FGF8: variants seen among roughly 807,000 people sequenced by gnomAD.
The protein encoded by FGF8 is androgen-induced growth factor.
A neutral mutation model predicts 29.7 loss-of-function variants in FGF8; 12 were observed. The ratio of observed to expected loss-of-function variants is 0.40; its 90% CI spans 0.26 to 0.65. The LOEUF (loss-of-function observed/expected upper bound fraction) is 0.65, where lower values mean the gene tolerates loss of function less well. Among genes scored for constraint, FGF8 ranks in the 30% least tolerant of loss-of-function variants. The probability of loss-of-function intolerance (pLI) is 0.37; values close to 1 mark genes in which losing one functional copy is unlikely to be tolerated. For synonymous variants in FGF8, 157 were observed against 144.4 expected, an observed-to-expected ratio of 1.09 and a Z score of -0.63; for missense variants, 271 against 345.1, an observed-to-expected ratio of 0.79 and a Z score of 1.70.
upstream of FGF8, chr10:101,780,278 G>A (rs1177118430): frequency 6.6e-6 from 1 of 152,310 alleles, no homozygotes; most frequent in Non-Finnish European, 1.5e-5. Flanking sequence ...GTTGGAAACT[G>A]GACCCCTAGT....
rs778082287 is a variant in FGF8 at position 101,770,567 on chromosome 10, T to C, written c.497A>G (p.Asn166Ser). The change falls in exon 6 of 6, where the codon AAC becomes AGC. Residue 166 changes from asparagine (N) to serine (S), a missense_variant. This residue lies in a region of FGF8 where 41 missense variants were observed against 80.0 expected (regional missense o/e 0.51). Coordinates refer to ENST00000320185, the MANE Select transcript of FGF8 (RefSeq NM_033163.5). The stretch of plus-strand genomic sequence containing the variant: ...CTTGGCATTCTGCAGCGCTGTGTAG[T>C]TGTTCTCCAGCACAATCTCCGTGAA... ...CVFTEIVLEN[N>S]YTALQNAKYE... 6.2e-7 allele frequency: 1 copy of C among 1,613,134 alleles called. No individual in the cohort carries two copies. Among genetic ancestry groups the C allele is most frequent in the Non-Finnish European group, 8.5e-7 (1 of 1,179,966 alleles).
Position 101,775,892 on chromosome 10 carries a change from G to T in FGF8, c.9C>A (p.Ser3Arg). 1.5e-6 allele frequency: 2 copies of T among 1,305,392 alleles called. No homozygotes were observed. The highest frequency in any genetic ancestry group is 2.4e-5 in the South Asian group (1 of 42,098). The allele number at this position is 1,305,392 out of a possible 1,614,324, so 80.9% of individuals were successfully genotyped here. ...ACAGGCAGCTCAGCGCGGAGCGGGGGCTGCCCATGGCGCGCGGCCCCGGGG... is the reference window on the plus strand; with the variant it reads ...ACAGGCAGCTCAGCGCGGAGCGGGGTCTGCCCATGGCGCGCGGCCCCGGGG... Reference protein sequence around the residue: MGSPRSALSCLLL... With the variant: MGRPRSALSCLLL... Residue 3 changes from serine to arginine, a missense_variant, in exon 1 of 6, where the codon AGC becomes AGA. Physicochemically the swap from Ser to Arg is moderately radical, Grantham distance 110. Transcript: ENST00000320185. This position sits in a 1 kb window ranked among gnomAD's most constrained non-coding sequence, Gnocchi z 4.6.
At position 101,771,126 on chromosome 10, in the gene FGF8, G is replaced by A. The variant is rs563835487; in HGVS notation, c.444+337C>T. Among the ~76,000 whole-genome samples the A allele has an allele frequency of 5.3e-5, 8 of 152,336 alleles. No homozygotes were observed. The South Asian group carries it at 8.3e-4, about 16-fold the overall frequency. ...AGCTCGGCCGAGGGGCTGGGCCTGC[G>A]GCTTACTGAACATTCCAAATGCTGG... On this transcript the variant is annotated intron_variant, in intron 5 of 5. Transcript: ENST00000320185. This position sits in a 1 kb window ranked among gnomAD's most constrained non-coding sequence, Gnocchi z 5.3.
chr10:101,771,473 A>G lies in FGF8; in HGVS notation c.434T>C (p.Leu145Pro). 1 of 1,614,002 alleles carries G rather than the reference A, an allele frequency of 6.2e-7. No individual in the cohort carries two copies. The highest frequency in any genetic ancestry group is 8.5e-7 in the Non-Finnish European group (1 of 1,179,864). The change falls in exon 5 of 6, where the codon CTG becomes CCG. Residue 145 changes from leucine (L) to proline (P), a missense_variant. Physicochemically the swap from Leu to Pro is moderately conservative, Grantham distance 98. Around this residue, in one of 3 missense-constraint regions of FGF8, gnomAD observed 168 missense variants for 207.0 expected, o/e 0.81. Transcript: ENST00000320185. This position sits in a 1 kb window ranked among gnomAD's most constrained non-coding sequence, Gnocchi z 5.3. ...CTGCTGGGGCCTCACCTTGGCGATC[A>G]GCTTCCCCTTCTTGTTCATGCAGAT... ...LYICMNKKGK[L>P]IAKSNGKGKD...
chr10:101,774,634 C>A, intron 4 of FGF8, 98 bp downstream of exon 4: 1 of 1,037,262 alleles, frequency 9.6e-7, no homozygotes, highest in Non-Finnish European at 1.5e-6. Context: ...TAACTCCTTC[C>A]CTTCTGAGCT....
At position 101,771,043 on chromosome 10, in the gene FGF8, C is replaced by T. The variant is rs1210235699; in HGVS notation, c.444+420G>A. On this transcript the variant is annotated intron_variant, in intron 5 of 5. Transcript: ENST00000320185. This position sits in a 1 kb window ranked among gnomAD's most constrained non-coding sequence, Gnocchi z 5.3. ...GATGCTAAGACCCCAGCCCCAGAAG[C>T]CCAGGAAGTGGGGAGCTCGAGGCTG... is the stretch of plus-strand genomic sequence containing the variant. Among the ~76,000 whole-genome samples the T allele has an allele frequency of 1.3e-5, 2 of 151,980 alleles. No homozygotes were observed. The highest frequency in any genetic ancestry group is 2.9e-5 in the Non-Finnish European group (2 of 67,968).
At chr10:101,779,601 C>T (rs2065127053), upstream of FGF8, among the ~76,000 whole-genome samples, 1 of 149,164 alleles carries the variant, frequency 6.7e-6, no homozygotes, top group African/African-American at 2.5e-5. The surrounding 1 kb of genome is among the most constrained non-coding windows in gnomAD (Gnocchi z 5.7). Context: ...GGCGCAGGCC[C>T]GCGCCCACCG....
chr10:101,775,924 G>A lies in FGF8; in HGVS notation c.-24C>T, dbSNP rs866323990. 2.5e-5 allele frequency: 30 copies of A among 1,218,310 alleles called. No individual in the cohort carries two copies. The highest frequency in any genetic ancestry group is 2.4e-4 in the African/African-American group (15 of 62,700). 75.5% of individuals were successfully genotyped at this position (1,218,310 alleles called of 1,614,324 possible). A position where few individuals can be genotyped will look rare whatever the true frequency, so the allele number is the denominator to read the frequency against. The stretch of plus-strand genomic sequence containing the variant: ...ATGGCGCGCGGCCCCGGGGCACCGA[G>A]AGCCCGGCGGGTCACGCCGTCCCGC... On this transcript the variant is annotated 5_prime_UTR_variant, in exon 1 of 6. Coordinates refer to ENST00000320185, the MANE Select transcript of FGF8 (RefSeq NM_033163.5). This position sits in a 1 kb window ranked among gnomAD's most constrained non-coding sequence, Gnocchi z 4.6.
At position 101,771,903 on chromosome 10, in the gene FGF8, A is replaced by G. The variant is rs1261161123; in HGVS notation, c.338-334T>C. On this transcript the variant is annotated intron_variant, in intron 4 of 5. Transcript: ENST00000320185. The surrounding 1 kb of genome is among the most constrained non-coding windows in gnomAD (Gnocchi z 5.3). ...GACAGTGATGTCTCTTAGATTGAGG[A>G]TCTAAGTAAAATTTAATTGAATCAG... Among the ~76,000 whole-genome samples, 2 of 152,202 alleles carry G rather than the reference A, an allele frequency of 1.3e-5. No individual in the cohort carries two copies. The highest frequency in any genetic ancestry group is 4.8e-5 in the African/African-American group (2 of 41,440).
Position 101,770,140 on chromosome 10 carries a change from T to TAA in FGF8, c.*188_*189insTT, listed in dbSNP as rs2064996099. ...ACAAAAATAGAGCCTCTCTTTTGTTTTAAAAAAAAAAAAAAAAAAAAAAAC... is the reference window on the plus strand; with the variant it reads ...ACAAAAATAGAGCCTCTCTTTTGTTTAATAAAAAAAAAAAAAAAAAAAAAAAC... On this transcript the variant is annotated 3_prime_UTR_variant, in exon 6 of 6. Coordinates refer to ENST00000320185, the MANE Select transcript of FGF8 (RefSeq NM_033163.5). 4 of 523,842 alleles carry TAA rather than the reference T, an allele frequency of 7.6e-6. No homozygotes were observed. The highest frequency in any genetic ancestry group is 1.3e-5 in the Non-Finnish European group (4 of 304,542). The allele number at this position is 523,842 out of a possible 1,614,324, so 32.4% of individuals were successfully genotyped here.
Position 101,775,937 on chromosome 10 carries a change from C to T in FGF8, c.-37G>A. ...CCGGGGCACCGAGAGCCCGGCGGGT[C>T]ACGCCGTCCCGCGGGCCGCCGCGGG... On this transcript the variant is annotated 5_prime_UTR_variant, in exon 1 of 6. Coordinates refer to ENST00000320185, the MANE Select transcript of FGF8 (RefSeq NM_033163.5). This position sits in a 1 kb window ranked among gnomAD's most constrained non-coding sequence, Gnocchi z 4.6. The T allele has an allele frequency of 8.4e-7, 1 of 1,189,106 alleles. No individual in the cohort carries two copies. The highest frequency in any genetic ancestry group is 4.1e-5 in the South Asian group (1 of 24,176). The allele number at this position is 1,189,106 out of a possible 1,614,324, so 73.7% of individuals were successfully genotyped here. A position where few individuals can be genotyped will look rare whatever the true frequency, so the allele number is the denominator to read the frequency against.
Position 101,774,766 on chromosome 10 carries a change from G to T in FGF8, c.303C>A (p.Arg101=). The change falls in exon 4 of 6, where the codon CGC becomes CGA. Residue 101 remains arginine (R), a synonymous_variant. Coordinates refer to ENST00000320185, the MANE Select transcript of FGF8 (RefSeq NM_033163.5). The part of the protein sequence containing the change: ...GKHVQVLANK[R]INAMAEDGDP... ...CGCCGTCCTCTGCCATGGCGTTGAT[G>T]CGCTTGTTGGCCAGGACCTGCACGT... 1 of 1,609,116 alleles carries T rather than the reference G, an allele frequency of 6.2e-7. No homozygotes were observed.
intron 3 of FGF8, 59 bp from the exon 4 acceptor site, chr10:101,774,971 C>T (rs535034436): frequency 1.8e-5 from 28 of 1,578,194 alleles, no homozygotes; most frequent in Middle Eastern, 3.3e-4. Context: ...CCCAGGGGCC[C>T]GAGTGGCCCC....
rs781389299 is a variant in FGF8, at chr10:101,770,296, C to A, written c.*33G>T. On this transcript the variant is annotated 3_prime_UTR_variant, in exon 6 of 6. Transcript: ENST00000320185. ...GTGCCCTACAGGATGAGCCTCTCTGCGGTCTGGCATTGTGGGGAGGGCCAG... is the reference window on the plus strand; with the variant it reads ...GTGCCCTACAGGATGAGCCTCTCTGAGGTCTGGCATTGTGGGGAGGGCCAG... 1.0e-5 allele frequency: 16 copies of A among 1,555,778 alleles called. No individual in the cohort carries two copies. Among genetic ancestry groups the A allele is most frequent in the South Asian group, 9.6e-5 (8 of 82,948 alleles).
In FGF8 at chr10:101,775,845, G is replaced by A; in HGVS notation, c.32+24C>T. ...GCGAGGGGCGCGGGGGGCGGGTGGC[G>A]GGGCAGGGCGGCGCGGTACTCACAG... On this transcript the variant is annotated intron_variant, in intron 1 of 5. Coordinates refer to ENST00000320185, the MANE Select transcript of FGF8 (RefSeq NM_033163.5). The surrounding 1 kb of genome is among the most constrained non-coding windows in gnomAD (Gnocchi z 4.6). 5 of 1,499,906 alleles carry A rather than the reference G, an allele frequency of 3.3e-6. No homozygotes were observed. The highest frequency in any genetic ancestry group is 2.4e-4 in the Middle Eastern group (1 of 4,244). The allele number at this position is 1,499,906 out of a possible 1,614,324, so 92.9% of individuals were successfully genotyped here.
rs1240591990 is a variant in FGF8 at position 101,771,329 on chromosome 10, G to A, written c.444+134C>T. The A allele has an allele frequency of 1.4e-6, 1 of 715,530 alleles. No homozygotes were observed. Among genetic ancestry groups the A allele is most frequent in the Non-Finnish European group, 2.5e-6 (1 of 392,458 alleles). 44.3% of individuals were successfully genotyped at this position (715,530 alleles called of 1,614,324 possible). The stretch of plus-strand genomic sequence containing the variant: ...CCCTCACTCCTGCACCCAATCGTGA[G>A]GTAACCCCAAGATGGCCCTGTGGCC... On this transcript the variant is annotated intron_variant, in intron 5 of 5. Coordinates refer to ENST00000320185, the MANE Select transcript of FGF8 (RefSeq NM_033163.5). This position sits in a 1 kb window ranked among gnomAD's most constrained non-coding sequence, Gnocchi z 5.3.
Position 101,771,384 on chromosome 10 carries a change from A to G in FGF8, c.444+79T>C. Reference sequence around the variant, plus strand: ...GCCTACCTTGTTGGGATCAGAGCCCAGGACTGTCTTGGAGGAGTCCAGCCA... The same window carrying G: ...GCCTACCTTGTTGGGATCAGAGCCCGGGACTGTCTTGGAGGAGTCCAGCCA... On this transcript the variant is annotated intron_variant, in intron 5 of 5. Coordinates refer to ENST00000320185, the MANE Select transcript of FGF8 (RefSeq NM_033163.5). This position sits in a 1 kb window ranked among gnomAD's most constrained non-coding sequence, Gnocchi z 5.3. 9.4e-7 allele frequency: 1 copy of G among 1,061,968 alleles called. No individual in the cohort carries two copies. The highest frequency in any genetic ancestry group is 1.5e-6 in the Non-Finnish European group (1 of 679,876). 65.8% of individuals were successfully genotyped at this position (1,061,968 alleles called of 1,614,324 possible).
At chr10:101,778,833 G>C (rs1419480258), upstream of FGF8, among the ~76,000 whole-genome samples, 1 of 152,098 alleles carries the variant, frequency 6.6e-6, no homozygotes, top group Non-Finnish European at 1.5e-5. Context: ...CTCCCGGCCA[G>C]CTCCCTCCCT....
At chr10:101,773,667 T>C (rs1463043939) in intron 4 of FGF8, among the ~76,000 whole-genome samples, 1 of 152,002 alleles carries the variant, frequency 6.6e-6, no homozygotes, top group Non-Finnish European at 1.5e-5. Context: ...GCAGAAAAAA[T>C]GCAGCGAGAC....
Sources: gnomAD v4.1 joint callset for allele counts (sites outside exome capture counted in the v4.1 genomes callset) on GRCh38, gnomAD v4.1.1 for gene constraint, gnomAD v4.1.1 regional missense constraint, Gnocchi (gnomAD v3.1) non-coding constraint, MANE v1.5 for transcripts, NCBI Gene and HGNC (gene_info 2026-07-23, HGNC 2026-07-21) for gene names.